GASK1A: variants seen among roughly 807,000 people sequenced by gnomAD.
GASK1A encodes Golgi-associated kinase 1A.
A neutral mutation model predicts 41.2 loss-of-function variants in GASK1A; 40 were observed. The observed-to-expected ratio is 0.97, with a 90% CI of 0.75 to 1.27. The LOEUF is 1.27. Ranked by LOEUF, GASK1A falls within the 50% of genes most tolerant of loss-of-function variation. GASK1A has a pLI of 0.00. For synonymous variants in GASK1A, 316 were observed against 307.1 expected, an observed-to-expected ratio of 1.03 and a Z score of -0.30; for missense variants, 678 against 745.1, an observed-to-expected ratio of 0.91 and a Z score of 1.05.
Position 43,033,412 on chromosome 3 carries a change from G to C in GASK1A, c.1149G>C (p.Glu383Asp). The C allele has an allele frequency of 6.4e-7, 1 of 1,551,576 alleles. No homozygotes were observed. Among genetic ancestry groups the C allele is most frequent in the Non-Finnish European group, 8.7e-7 (1 of 1,147,002 alleles). The change falls in exon 2 of 5, where the codon GAG becomes GAC. Residue 383 changes from glutamate (E) to aspartate (D), a missense_variant. Coordinates refer to ENST00000430121, the MANE Select transcript of GASK1A (RefSeq NM_001129908.3). Reference sequence around the variant, plus strand: ...TGCAGCACCTGAGCGACCCAGATGAGGATCAGAACTCTCTGGCCTTGGGCT... The same window carrying C: ...TGCAGCACCTGAGCGACCCAGATGACGATCAGAACTCTCTGGCCTTGGGCT... Reference protein sequence around the residue: ...PDVQHLSDPDEDQNSLALGWL... With the variant: ...PDVQHLSDPDDDQNSLALGWL...
At chr3:42,997,708 T>C (rs140772243) in intron 1 of GASK1A, among the ~76,000 whole-genome samples, 1 of 152,326 alleles carries the variant, frequency 6.6e-6, no homozygotes, top group East Asian at 1.9e-4. Flanking sequence ...TTGACAGTTA[T>C]CTCATTTAAT....
chr3:42,983,646 G>T lies in GASK1A; in HGVS notation c.3+4001G>T, dbSNP rs528867407. Among the ~76,000 whole-genome samples, 6 of 152,298 alleles carry T rather than the reference G, an allele frequency of 3.9e-5. No homozygotes were observed. In the South Asian group the frequency reaches 1.0e-3, roughly 26 times the overall value. On this transcript the variant is annotated intron_variant, in intron 1 of 4. Coordinates refer to ENST00000430121, the MANE Select transcript of GASK1A (RefSeq NM_001129908.3). Reference sequence around the variant, plus strand: ...GTCCCTCTGCACTGAATGAGTCGCAGAAGTCATCAGGCTTAGCTAAAGAAG... The same window carrying T: ...GTCCCTCTGCACTGAATGAGTCGCATAAGTCATCAGGCTTAGCTAAAGAAG...
intron 1 of GASK1A, among the ~76,000 whole-genome samples, chr3:42,987,739 C>A (rs1016945573): frequency 1.3e-5 from 2 of 152,024 alleles, no homozygotes; most frequent in Admixed American, 6.6e-5. Context: ...TGGCTCACAC[C>A]TGTAATCCCA....
chr3:43,047,090 A>G (rs2089667862), intron 2 of GASK1A, among the ~76,000 whole-genome samples: 1 of 152,232 alleles, frequency 6.6e-6, no homozygotes, highest in Non-Finnish European at 1.5e-5. Context: ...CCCCACACAG[A>G]GTTCCCAGTG....
chr3:42,993,198 T>G (rs1192611317), intron 1 of GASK1A, among the ~76,000 whole-genome samples: 1 of 152,246 alleles, frequency 6.6e-6, no homozygotes, highest in African/African-American at 2.4e-5. Context: ...TTAAAGAAAG[T>G]TACATCTTTA....
intron 1 of GASK1A, among the ~76,000 whole-genome samples, chr3:43,015,261 C>G (rs1463817771): frequency 1.4e-5 from 2 of 145,200 alleles, no homozygotes; most frequent in African/African-American, 5.2e-5. Context: ...TGCGAATTCT[C>G]AGGAAGGGGC....
chr3:42,980,577 T>G (rs2089277844), intron 1 of GASK1A, among the ~76,000 whole-genome samples: 1 of 152,140 alleles, frequency 6.6e-6, no homozygotes, highest in Non-Finnish European at 1.5e-5. Context: ...GCCTGGGGTT[T>G]AGAAGGCTGT....
At chr3:43,028,086 G>A (rs1344120157) in intron 1 of GASK1A, among the ~76,000 whole-genome samples, 1 of 152,236 alleles carries the variant, frequency 6.6e-6, no homozygotes. Flanking sequence ...TAAAGACTTA[G>A]AATCAATAGA....
At chr3:43,037,306 A>G in intron 2 of GASK1A, 1 of 870,920 alleles carries the variant, frequency 1.1e-6, no homozygotes, top group Non-Finnish European at 2.0e-6. Context: ...CCAGGTGATG[A>G]CAGGGCTCCC....
At chr3:43,048,758 A>G (rs1367005672) in intron 2 of GASK1A, among the ~76,000 whole-genome samples, 3 of 152,196 alleles carry the variant, frequency 2.0e-5, no homozygotes, top group African/African-American at 7.2e-5. Context: ...GTTATGGGCA[A>G]GAGTACCTCT....
intron 1 of GASK1A, among the ~76,000 whole-genome samples, chr3:43,027,125 G>A (rs979496706): frequency 1.3e-5 from 2 of 152,214 alleles, no homozygotes; most frequent in Non-Finnish European, 2.9e-5. Context: ...TATTTTCTAT[G>A]TAGGCAACTT....
Position 43,033,208 on chromosome 3 carries a change from G to T in GASK1A, c.945G>T (p.Gly315=). 6.4e-7 allele frequency: 1 copy of T among 1,551,642 alleles called. No homozygotes were observed. Among genetic ancestry groups the T allele is most frequent in the Non-Finnish European group, 8.7e-7 (1 of 1,146,958 alleles). ...SPRLSQLCSQ[G]LCGLIKRPGD... The stretch of plus-strand genomic sequence containing the variant: ...GGCTCAGCCAACTCTGTTCCCAAGG[G>T]CTCTGTGGCCTGATCAAGAGGCCTG... Residue 315 remains glycine, a synonymous_variant, in exon 2 of 5, where the codon GGG becomes GGT. Transcript: ENST00000430121.
intron 1 of GASK1A, among the ~76,000 whole-genome samples, chr3:42,987,903 G>A (rs1163575344): frequency 7.1e-6 from 1 of 141,004 alleles, no homozygotes; most frequent in Non-Finnish European, 1.5e-5. Context: ...GGAGGCTGAG[G>A]CAGGAGAGTC....
At chr3:43,040,839 G>C (rs1342026024) in intron 2 of GASK1A, among the ~76,000 whole-genome samples, 6 of 143,102 alleles carry the variant, frequency 4.2e-5, no homozygotes, top group Non-Finnish European at 7.6e-5. Context: ...CCACTAACTT[G>C]TCATCTAGCG....
Position 43,047,557 on chromosome 3 carries a change from C to T in GASK1A, c.1291-5964C>T, listed in dbSNP as rs143450998. Reference sequence around the variant, plus strand: ...ACGTCTTCCACTGATTGCTGTTGGTCCACTGATTGCTATTGGCCTCTTAAT... The same window carrying T: ...ACGTCTTCCACTGATTGCTGTTGGTTCACTGATTGCTATTGGCCTCTTAAT... On this transcript the variant is annotated intron_variant, in intron 2 of 4. Transcript: ENST00000430121. Among the ~76,000 whole-genome samples, 330 of 152,234 alleles carry T rather than the reference C, an allele frequency of 2.2e-3. 4 individuals are homozygous for T. Among genetic ancestry groups the T allele is most frequent in the African/African-American group, 7.7e-3 (318 of 41,548 alleles).
rs1413429288 is a variant in GASK1A at position 43,053,568 on chromosome 3, C to T, written c.1338C>T (p.Pro446=). The part of the protein sequence containing the change: ...DRYCCGFEPE[P]SDPCVEERLR... ...ACTGCTGTGGCTTCGAGCCTGAGCC[C>T]TCAGACCCCTGTGTGGAAGAGAGGC... The change falls in exon 3 of 5, where the codon CCC becomes CCT. Residue 446 remains proline, a synonymous_variant. Coordinates refer to ENST00000430121, the MANE Select transcript of GASK1A (RefSeq NM_001129908.3). 5 of 1,551,718 alleles carry T rather than the reference C, an allele frequency of 3.2e-6. No individual in the cohort carries two copies. The highest frequency in any genetic ancestry group is 4.4e-6 in the Non-Finnish European group (5 of 1,147,002).
At chr3:43,011,387 A>C (rs1247312925) in intron 1 of GASK1A, among the ~76,000 whole-genome samples, 2 of 151,988 alleles carry the variant, frequency 1.3e-5, no homozygotes, top group Non-Finnish European at 2.9e-5. Context: ...TCTCAAAAAA[A>C]AAAAAAAAAA....
intron 1 of GASK1A, among the ~76,000 whole-genome samples, chr3:43,027,018 A>G (rs1007567651): frequency 1.3e-5 from 2 of 152,252 alleles, no homozygotes; most frequent in Non-Finnish European, 2.9e-5. Context: ...GCAGCCAGGC[A>G]GGGTAAAAAA....
chr3:42,990,221 G>A (rs533641208), intron 1 of GASK1A, among the ~76,000 whole-genome samples: 42 of 151,966 alleles, frequency 2.8e-4, no homozygotes, highest in African/African-American at 9.7e-4. Flanking sequence ...AAAAAGGTGT[G>A]TGCCTATAGT....
Sources: gnomAD v4.1 joint callset for allele counts (sites outside exome capture counted in the v4.1 genomes callset) on GRCh38, gnomAD v4.1.1 for gene constraint, MANE v1.5 for transcripts, NCBI Gene and HGNC (gene_info 2026-07-23, HGNC 2026-07-21) for gene names.